Variants in SORCS1 observed in about 807,000 individuals in gnomAD.
SORCS1 encodes the protein VPS10 domain-containing receptor SorCS1.
SORCS1 carries 60 observed loss-of-function variants against 146.1 expected under a neutral mutation model. That is an observed-to-expected ratio of 0.41 (90% CI 0.33 to 0.51). SORCS1 has a LOEUF of 0.51. Among genes scored for constraint, SORCS1 ranks in the 20% least tolerant of loss-of-function variants. The pLI, the probability that SORCS1 is intolerant of heterozygous loss-of-function variation, is 0.21. For missense variants in SORCS1, 1,352 were observed against 1,487.6 expected (o/e 0.91, Z 1.50); for synonymous variants, 637 against 584.0 (o/e 1.09, Z -1.31).
chr10:107,018,351 T>G (rs1957986637), intron 1 of SORCS1, among the ~76,000 whole-genome samples: 1 of 150,702 alleles, frequency 6.6e-6, no homozygotes, highest in Non-Finnish European at 1.5e-5. Flanking sequence ...ATTTTTTTAT[T>G]TTTTTTTTGT....
chr10:106,724,563 C>CT (rs1393025859), intron 6 of SORCS1, among the ~76,000 whole-genome samples: 2 of 151,778 alleles, frequency 1.3e-5, no homozygotes, highest in East Asian at 1.9e-4. Flanking sequence ...AGATATAATT[C>CT]TTTTTTCTCA....
chr10:107,171,359 G>T, the SORCS1 span, among the ~76,000 whole-genome samples: 3 of 152,168 alleles, frequency 2.0e-5, no homozygotes, highest in Middle Eastern at 3.2e-3. Context: ...CCAATCTGGT[G>T]TTCTGTGTAA....
chr10:106,737,390 C>A (rs1857029478), intron 5 of SORCS1, among the ~76,000 whole-genome samples: 1 of 151,898 alleles, frequency 6.6e-6, no homozygotes. Flanking sequence ...CTTATTTCCC[C>A]ACTTTTATGC....
At chr10:107,053,085 A>G (rs1183797104) in intron 1 of SORCS1, among the ~76,000 whole-genome samples, 1 of 152,202 alleles carries the variant, frequency 6.6e-6, no homozygotes, top group African/African-American at 2.4e-5. Flanking sequence ...TGTGTAAATC[A>G]AAAGCCTACA....
At chr10:106,631,396 G>T (rs970848516) in intron 18 of SORCS1, among the ~76,000 whole-genome samples, 1 of 152,176 alleles carries the variant, frequency 6.6e-6, no homozygotes, top group Non-Finnish European at 1.5e-5. Context: ...AACCAAAGTG[G>T]ACTGATCAAC....
At chr10:106,613,343 T>C (rs1052979319) in intron 21 of SORCS1, among the ~76,000 whole-genome samples, 4 of 152,050 alleles carry the variant, frequency 2.6e-5, no homozygotes, top group Non-Finnish European at 5.9e-5. Flanking sequence ...CGTGCATGCA[T>C]ATAGGACAGT....
intron 2 of SORCS1, among the ~76,000 whole-genome samples, chr10:106,940,214 A>G (rs1407999176): frequency 6.6e-6 from 1 of 152,244 alleles, no homozygotes; most frequent in African/African-American, 2.4e-5. Context: ...ATGACATTTG[A>G]GTAAACTATA....
intron 6 of SORCS1, among the ~76,000 whole-genome samples, chr10:106,726,257 A>T (rs1181879857): frequency 1.6e-5 from 2 of 124,830 alleles, no homozygotes; most frequent in Admixed American, 9.1e-5. Flanking sequence ...AACAATTGGT[A>T]GATTTTTTTT....
intron 2 of SORCS1, among the ~76,000 whole-genome samples, chr10:106,939,116 G>A (rs1213464979): frequency 6.6e-6 from 1 of 152,064 alleles, no homozygotes; most frequent in Non-Finnish European, 1.5e-5. Flanking sequence ...AAATAATCTA[G>A]GAAACTGACA....
At chr10:106,648,294 C>A (rs1214629733) in intron 18 of SORCS1, among the ~76,000 whole-genome samples, 1 of 152,106 alleles carries the variant, frequency 6.6e-6, no homozygotes, top group African/African-American at 2.4e-5. Flanking sequence ...TGATAAGATT[C>A]TCTTACTACT....
chr10:107,061,687 C>T (rs190442050), intron 1 of SORCS1, among the ~76,000 whole-genome samples: 48 of 152,180 alleles, frequency 3.2e-4, no homozygotes, highest in Non-Finnish European at 5.7e-4. Flanking sequence ...ATTATTTTCA[C>T]TCCTTTCATT....
intron 1 of SORCS1, among the ~76,000 whole-genome samples, chr10:106,994,415 G>A (rs541160224): frequency 4.1e-4 from 62 of 152,050 alleles, no homozygotes; most frequent in South Asian, 2.3e-3. Context: ...TAAGTAATCC[G>A]GGAATTAAAA....
chr10:106,938,627 T>G (rs1296270652), intron 2 of SORCS1, among the ~76,000 whole-genome samples: 2 of 152,262 alleles, frequency 1.3e-5, no homozygotes, highest in African/African-American at 2.4e-5. Context: ...TATCATGTGC[T>G]TAGATGGCCC....
At chr10:106,937,058 T>C (rs1953757100) in intron 2 of SORCS1, among the ~76,000 whole-genome samples, 1 of 152,162 alleles carries the variant, frequency 6.6e-6, no homozygotes, top group African/African-American at 2.4e-5. Flanking sequence ...TCTTGAATTG[T>C]AGCTCCCATA....
intron 19 of SORCS1, 119 bp from the exon 20 acceptor site, chr10:106,620,680 C>A (rs1358373265): frequency 3.7e-5 from 47 of 1,269,444 alleles, no homozygotes; most frequent in Non-Finnish European, 4.4e-5. Context: ...CTGCCATATT[C>A]CCCAAAAGAA....
the SORCS1 span, among the ~76,000 whole-genome samples, chr10:107,174,077 A>C: frequency 6.6e-6 from 1 of 152,188 alleles, no homozygotes; most frequent in Non-Finnish European, 1.5e-5. Flanking sequence ...ATCAGGGATA[A>C]ATCAGTATTT....
chr10:106,749,153 G>T (rs1217028580), intron 5 of SORCS1, among the ~76,000 whole-genome samples: 2 of 152,146 alleles, frequency 1.3e-5, no homozygotes, highest in Non-Finnish European at 2.9e-5. Context: ...GTCTCTGTAA[G>T]GTTTCATATT....
chr10:106,678,032 G>A (rs961925749), intron 12 of SORCS1, among the ~76,000 whole-genome samples: 1 of 152,144 alleles, frequency 6.6e-6, no homozygotes, highest in African/African-American at 2.4e-5. Flanking sequence ...CAAATGTAGA[G>A]AAAGAAATTT....
chr10:107,164,045 G>C lies in SORCS1; in HGVS notation c.482C>G (p.Thr161Ser). Residue 161 changes from threonine (T) to serine (S), a missense_variant, in exon 1 of 26, where the codon ACC becomes AGC. By Grantham distance (58) the Thr-to-Ser change is moderately conservative. Coordinates refer to ENST00000263054, the MANE Select transcript of SORCS1 (RefSeq NM_052918.5). The surrounding 1 kb of genome is among the most constrained non-coding windows in gnomAD (Gnocchi z 6.8). The part of the protein sequence containing the change: ...TRFRMEELRL[T>S]STTFALTGDS... Reference sequence around the variant, plus strand: ...TCCCGTCAGCGCAAACGTGGTGCTGGTCAGTCTCAGCTCCTCCATCCGGAA... The same window carrying C: ...TCCCGTCAGCGCAAACGTGGTGCTGCTCAGTCTCAGCTCCTCCATCCGGAA... 1 of 1,614,086 alleles carries C rather than the reference G, an allele frequency of 6.2e-7. No homozygotes were observed. The highest frequency in any genetic ancestry group is 8.5e-7 in the Non-Finnish European group (1 of 1,180,030).
Sources: allele counts gnomAD v4.1 joint callset (sites outside exome capture counted in the v4.1 genomes callset), GRCh38; gene constraint gnomAD v4.1.1; non-coding constraint Gnocchi (gnomAD v3.1); transcripts MANE v1.5; gene names NCBI Gene and HGNC (gene_info 2026-07-23, HGNC 2026-07-21).